DNMBP: variants seen among roughly 807,000 people sequenced by gnomAD.
The protein encoded by DNMBP is dynamin-binding protein.
DNMBP carries 87 observed loss-of-function variants against 150.0 expected under a neutral mutation model. The ratio of observed to expected loss-of-function variants is 0.58; its 90% CI spans 0.49 to 0.69. The LOEUF is 0.69. Ranked by LOEUF, DNMBP falls within the 30% of genes least tolerant of loss-of-function variation. The probability of loss-of-function intolerance (pLI) is 0.00; values close to 1 mark genes in which losing one functional copy is unlikely to be tolerated. For synonymous variants in DNMBP, 711 were observed against 750.4 expected (o/e 0.95, Z 0.86); for missense variants, 1,774 against 1,949.0 (o/e 0.91, Z 1.69).
At chr10:100,009,454 TC>T (rs1182757930) in intron 1 of DNMBP, among the ~76,000 whole-genome samples, 8 of 152,230 alleles carry the variant, frequency 5.3e-5, no homozygotes, top group Admixed American at 3.3e-4. Context: ...ATCTGTAAAA[TC>T]AGCGGGGTGG....
In DNMBP at chr10:99,879,928, G is replaced by A; in HGVS notation, c.4431C>T (p.Tyr1477=). ...RNFRHPEIVG[Y]SVPGRNGQSQ... ...TTTGCCCATTTCGTCCTGGTACGGA[G>A]TAGCCAACTATTTCTGGATGCCTGA... The change falls in exon 16 of 17, where the codon TAC becomes TAT. Residue 1477 remains tyrosine (Y), a synonymous_variant. Transcript: ENST00000324109. 4 of 1,614,218 alleles carry A rather than the reference G, an allele frequency of 2.5e-6. No individual in the cohort carries two copies. The highest frequency in any genetic ancestry group is 2.7e-5 in the African/African-American group (2 of 75,046).
intron 4 of DNMBP, chr10:99,930,507 T>C: frequency 4.3e-6 from 3 of 703,030 alleles, no homozygotes; most frequent in Non-Finnish European, 5.2e-6. Context: ...CTTTCCACTT[T>C]CATGTGCTTC....
chr10:99,896,690 T>C (rs1444552005), intron 9 of DNMBP, among the ~76,000 whole-genome samples: 6 of 152,152 alleles, frequency 3.9e-5, no homozygotes, highest in Non-Finnish European at 8.8e-5. Context: ...AGGTATGGCA[T>C]TAAATCAGTC....
chr10:99,910,339 C>T (rs752666203), intron 4 of DNMBP, among the ~76,000 whole-genome samples: 2 of 152,138 alleles, frequency 1.3e-5, no homozygotes, highest in African/African-American at 2.4e-5. Context: ...GTCAGGAGTT[C>T]GAGACCAGCC....
At chr10:99,977,424 G>GA (rs1189822419) in intron 1 of DNMBP, among the ~76,000 whole-genome samples, 1 of 152,188 alleles carries the variant, frequency 6.6e-6, no homozygotes, top group African/African-American at 2.4e-5. Flanking sequence ...AACTGCAGAG[G>GA]AAATCAGAAC....
intron 3 of DNMBP, among the ~76,000 whole-genome samples, chr10:99,963,336 G>C (rs2040583711): frequency 6.6e-6 from 1 of 150,852 alleles, no homozygotes; most frequent in Non-Finnish European, 1.5e-5. Flanking sequence ...CTCCTAAACT[G>C]CTGAGATTAA....
At chr10:99,891,695 T>TCCGCCCGGCCGCCATCCCAC (rs2039564492) in intron 11 of DNMBP, among the ~76,000 whole-genome samples, 1 of 148,416 alleles carries the variant, frequency 6.7e-6, no homozygotes, top group Non-Finnish European at 1.5e-5. Flanking sequence ...GAGGAGCGTC[T>TCCGCCCGGCCGCCATCCCAC]CTGCCCGGCC....
chr10:99,902,051 C>T (rs1307988804), intron 6 of DNMBP, among the ~76,000 whole-genome samples: 1 of 151,888 alleles, frequency 6.6e-6, no homozygotes, highest in Non-Finnish European at 1.5e-5. Context: ...ACCACCACAC[C>T]TGCTAATTTT....
chr10:99,926,579 AG>A (rs1223595594), intron 4 of DNMBP, among the ~76,000 whole-genome samples: 1 of 152,224 alleles, frequency 6.6e-6, no homozygotes, highest in Non-Finnish European at 1.5e-5. Context: ...CGGGAAATAA[AG>A]CAAAAGAAGA....
intron 15 of DNMBP, among the ~76,000 whole-genome samples, chr10:99,882,717 T>C (rs1446927620): frequency 3.3e-5 from 5 of 152,192 alleles, no homozygotes; most frequent in African/African-American, 1.2e-4. Flanking sequence ...GATGTAGTCA[T>C]CCACCCATGA....
At chr10:99,929,577 T>G in intron 4 of DNMBP, 1 of 628,150 alleles carries the variant, frequency 1.6e-6, no homozygotes, top group South Asian at 1.9e-5. Flanking sequence ...ATCTTTATGC[T>G]TTATCTTAAG....
rs770479231 is a variant in DNMBP, at chr10:99,955,174, G to A, written c.2260+40C>T. 2.3e-5 allele frequency: 35 copies of A among 1,553,928 alleles called. 1 individual carries two copies. In the South Asian group the frequency reaches 4.0e-4, roughly 18 times the overall value. ...GGTAGGCTGTTTCTGGGACTTGTGAGTGTCAAGAAACAATTACATATTATT... is the reference window on the plus strand; with the variant it reads ...GGTAGGCTGTTTCTGGGACTTGTGAATGTCAAGAAACAATTACATATTATT... On this transcript the variant is annotated intron_variant, in intron 4 of 16. Transcript: ENST00000324109.
At chr10:99,917,968 C>CAAA (rs749252887) in intron 4 of DNMBP, among the ~76,000 whole-genome samples, 16 of 52,166 alleles carry the variant, frequency 3.1e-4, no homozygotes, top group East Asian at 6.3e-4. Flanking sequence ...GACTCTGTCT[C>CAAA]AAAAAAAAAA....
At chr10:99,887,062 A>AC (rs1458564600) in intron 12 of DNMBP, among the ~76,000 whole-genome samples, 1 of 151,980 alleles carries the variant, frequency 6.6e-6, no homozygotes, top group African/African-American at 2.4e-5. Flanking sequence ...TCATACACTC[A>AC]TAAACCTTTA....
At chr10:99,883,124 A>T (rs2039395682) in intron 15 of DNMBP, among the ~76,000 whole-genome samples, 1 of 131,502 alleles carries the variant, frequency 7.6e-6, no homozygotes, top group African/African-American at 2.9e-5. Flanking sequence ...AAATAGTCTC[A>T]CATCACCTTC....
At position 99,885,543 on chromosome 10, in the gene DNMBP, C is replaced by T. The variant is rs970231457; in HGVS notation, c.3798+144G>A. Reference sequence around the variant, plus strand: ...AAAAAAAATGGCGAATGCATGAGCCCATGATGGGTGAGAATGCAACACTAT... The same window carrying T: ...AAAAAAAATGGCGAATGCATGAGCCTATGATGGGTGAGAATGCAACACTAT... On this transcript the variant is annotated intron_variant, in intron 14 of 16. Coordinates refer to ENST00000324109, the MANE Select transcript of DNMBP (RefSeq NM_015221.4). The T allele has an allele frequency of 2.3e-5, 18 of 785,642 alleles. No individual in the cohort carries two copies. In the African/African-American group the frequency reaches 2.8e-4, roughly 12 times the overall value. The allele number at this position is 785,642 out of a possible 1,614,324, so 48.7% of individuals were successfully genotyped here.
chr10:99,968,001 A>G (rs750996935), intron 3 of DNMBP, among the ~76,000 whole-genome samples: 3 of 152,086 alleles, frequency 2.0e-5, no homozygotes, highest in Non-Finnish European at 4.4e-5. Context: ...GTTTTAATTT[A>G]TATTTATATA....
chr10:99,966,605 G>C (rs1487951491), intron 3 of DNMBP, among the ~76,000 whole-genome samples: 1 of 152,114 alleles, frequency 6.6e-6, no homozygotes, highest in Non-Finnish European at 1.5e-5. Context: ...GACTCCACTG[G>C]GAGAGCTATG....
At chr10:99,943,174 A>G (rs1443129389) in intron 4 of DNMBP, among the ~76,000 whole-genome samples, 7 of 152,080 alleles carry the variant, frequency 4.6e-5, no homozygotes. Flanking sequence ...AATCTCAGTT[A>G]CTTAGGAGGC....
Sources: allele counts gnomAD v4.1 joint callset (sites outside exome capture counted in the v4.1 genomes callset), GRCh38; gene constraint gnomAD v4.1.1; transcripts MANE v1.5; gene names NCBI Gene and HGNC (gene_info 2026-07-23, HGNC 2026-07-21).